GBF1: variants seen among roughly 807,000 people sequenced by gnomAD.
GBF1 encodes golgi brefeldin A resistant guanine nucleotide exchange factor 1.
GBF1 carries 114 observed loss-of-function variants against 210.5 expected under a neutral mutation model. The ratio of observed to expected loss-of-function variants is 0.54; its 90% CI spans 0.47 to 0.63. The LOEUF (loss-of-function observed/expected upper bound fraction) is 0.63. Ranked by LOEUF, GBF1 falls within the 30% of genes least tolerant of loss-of-function variation. The pLI is 0.00. For synonymous variants in GBF1, 850 were observed against 889.2 expected (o/e 0.96, Z 0.78); for missense variants, 1,851 against 2,357.7 (o/e 0.79, Z 4.45).
rs61470777 is a variant in GBF1 at position 102,322,718 on chromosome 10, C to CAAA, written c.164-21309_164-21307dup. On this transcript the variant is annotated intron_variant, in intron 3 of 39. Coordinates refer to ENST00000369983, the MANE Select transcript of GBF1 (RefSeq NM_001377137.1). ...GCAACATAGTGAGATCTCATCTCTA[C>CAAA]AAAAAAAAAAAAAAAAAAAAAAAAA... is the stretch of plus-strand genomic sequence containing the variant. 7.8e-4 allele frequency among the ~76,000 whole-genome samples: 63 copies of CAAA among 80,470 alleles called. 1 individual carries two copies. Among genetic ancestry groups the CAAA allele is most frequent in the African/African-American group, 2.5e-3 (49 of 19,690 alleles). The allele number at this position is 80,470 out of a possible 152,430, so 52.8% of individuals were successfully genotyped here.
Position 102,358,003 on chromosome 10 carries a change from T to C in GBF1, c.640-36T>C, listed in dbSNP as rs371884764. The C allele has an allele frequency of 4.1e-6, 6 of 1,454,026 alleles. No homozygotes were observed. The East Asian group carries it at 1.1e-4, about 27-fold the overall frequency. 90.1% of individuals were successfully genotyped at this position (1,454,026 alleles called of 1,614,324 possible). ...AGATTAATAGGGATAGAGTCTTAGT[T>C]TGAATACCATTGCTAATGGGGTATG... On this transcript the variant is annotated intron_variant, in intron 8 of 39. Coordinates refer to ENST00000369983, the MANE Select transcript of GBF1 (RefSeq NM_001377137.1).
intron 3 of GBF1, among the ~76,000 whole-genome samples, chr10:102,321,202 G>A (rs1442648639): frequency 6.6e-6 from 1 of 152,180 alleles, no homozygotes; most frequent in Non-Finnish European, 1.5e-5. Flanking sequence ...TTAGTTAATT[G>A]TGTGATCCCT....
intron 3 of GBF1, among the ~76,000 whole-genome samples, chr10:102,325,367 T>C (rs1177581888): frequency 6.6e-6 from 1 of 151,958 alleles, no homozygotes; most frequent in African/African-American, 2.4e-5. Flanking sequence ...TGGCCAACAA[T>C]GGTGAAACCC....
At chr10:102,320,816 C>T (rs867999776) in intron 3 of GBF1, among the ~76,000 whole-genome samples, 6 of 150,692 alleles carry the variant, frequency 4.0e-5, no homozygotes, top group Middle Eastern at 6.8e-3. Flanking sequence ...TAAATGGAGT[C>T]TGACTCTGTC....
At chr10:102,323,701 T>C (rs2056644648) in intron 3 of GBF1, among the ~76,000 whole-genome samples, 3 of 152,126 alleles carry the variant, frequency 2.0e-5, no homozygotes, top group Admixed American at 2.0e-4. Flanking sequence ...CCACCATGCC[T>C]GGCCATAAGC....
intron 3 of GBF1, among the ~76,000 whole-genome samples, chr10:102,322,234 A>G (rs1223662530): frequency 6.6e-6 from 1 of 152,244 alleles, no homozygotes; most frequent in Non-Finnish European, 1.5e-5. Flanking sequence ...GTACAGAGTC[A>G]CTTATTCAAG....
At chr10:102,231,012 G>A in the GBF1 span, 1 of 1,597,610 alleles carries the variant, frequency 6.3e-7, no homozygotes, top group Non-Finnish European at 8.5e-7. Context: ...CCAGCCCCCC[G>A]AGCGGCGCCG....
intron 3 of GBF1, among the ~76,000 whole-genome samples, chr10:102,297,388 A>G (rs2076995237): frequency 6.6e-6 from 1 of 152,214 alleles, no homozygotes; most frequent in Non-Finnish European, 1.5e-5. Flanking sequence ...ATAAGGATTC[A>G]GGCAGTTTTG....
At chr10:102,353,715 C>G in intron 8 of GBF1, 61 bp downstream of exon 8, 1 of 1,215,478 alleles carries the variant, frequency 8.2e-7, no homozygotes, top group African/African-American at 1.5e-5. Context: ...AACTTCAGTG[C>G]CTTGGGGTAA....
chr10:102,288,946 C>G (rs770121820), intron 3 of GBF1, among the ~76,000 whole-genome samples: 4 of 151,654 alleles, frequency 2.6e-5, no homozygotes, highest in Non-Finnish European at 5.9e-5. Flanking sequence ...ACTGAAAATA[C>G]AAAAAAATTA....
Position 102,358,740 on chromosome 10 carries a change from G to A in GBF1, c.1011+11G>A. Reference sequence around the variant, plus strand: ...CAGCCTGACCTCCAGGTATGGCTTTGATTTTTAATGTCCCTCTTCAGTATT... The same window carrying A: ...CAGCCTGACCTCCAGGTATGGCTTTAATTTTTAATGTCCCTCTTCAGTATT... On this transcript the variant is annotated intron_variant, in intron 10 of 39. Coordinates refer to ENST00000369983, the MANE Select transcript of GBF1 (RefSeq NM_001377137.1). The A allele has an allele frequency of 6.6e-7, 1 of 1,521,752 alleles. No individual in the cohort carries two copies. The allele number at this position is 1,521,752 out of a possible 1,614,324, so 94.3% of individuals were successfully genotyped here.
upstream of GBF1, among the ~76,000 whole-genome samples, chr10:102,243,867 C>A (rs961001904): frequency 1.3e-5 from 2 of 152,122 alleles, no homozygotes; most frequent in African/African-American, 2.4e-5. Context: ...TGGTGGCTCA[C>A]ACCTGTAATC....
the GBF1 span, among the ~76,000 whole-genome samples, chr10:102,239,524 G>A: frequency 1.3e-5 from 2 of 152,150 alleles, no homozygotes; most frequent in Non-Finnish European, 2.9e-5. Context: ...ATCAAAATAG[G>A]GCAAATGAAA....
rs1170097532 is a variant in GBF1, at chr10:102,330,598, A to G, written c.164-13453A>G. On this transcript the variant is annotated intron_variant, in intron 3 of 39. Transcript: ENST00000369983. Reference sequence around the variant, plus strand: ...ACACTCAGGAGGCTGAGGCAGGAGAATCGCTTGAACTCTGGAGGTGGAGGT... The same window carrying G: ...ACACTCAGGAGGCTGAGGCAGGAGAGTCGCTTGAACTCTGGAGGTGGAGGT... 2.0e-5 allele frequency among the ~76,000 whole-genome samples: 3 copies of G among 152,176 alleles called. No individual in the cohort carries two copies. The East Asian group carries it at 5.8e-4, about 30-fold the overall frequency.
chr10:102,244,377 G>A (rs923318557), upstream of GBF1, among the ~76,000 whole-genome samples: 2 of 152,152 alleles, frequency 1.3e-5, no homozygotes, highest in African/African-American at 4.8e-5. Flanking sequence ...GTCCCAAATA[G>A]GCTGGGAATT....
chr10:102,294,829 A>T (rs1317194982), intron 3 of GBF1, among the ~76,000 whole-genome samples: 1 of 152,360 alleles, frequency 6.6e-6, no homozygotes, highest in South Asian at 2.1e-4. Context: ...AGGCTGTACC[A>T]TATAGCCTAG....
chr10:102,328,748 G>A (rs2057103130), intron 3 of GBF1, among the ~76,000 whole-genome samples: 1 of 152,138 alleles, frequency 6.6e-6, no homozygotes, highest in Admixed American at 6.6e-5. Flanking sequence ...TTCATCATCT[G>A]TAAACTTTGC....
Position 102,369,696 on chromosome 10 carries a change from GACTT to G in GBF1, c.3151-10_3151-7del, listed in dbSNP as rs1565173870. On this transcript the variant is annotated splice_polypyrimidine_tract_variant and intron_variant, in intron 24 of 39. Transcript: ENST00000369983. ...AGGACACATGGAAAGAAATTATTTT[GACTT>G]ACTTTTCCAGGTAGAAGATTTCGTG... 5 of 1,611,694 alleles carry G rather than the reference GACTT, an allele frequency of 3.1e-6. No homozygotes were observed. Among genetic ancestry groups the G allele is most frequent in the Non-Finnish European group, 3.4e-6 (4 of 1,177,786 alleles).
chr10:102,311,607 CCT>C (rs922151234), intron 3 of GBF1, among the ~76,000 whole-genome samples: 2 of 152,182 alleles, frequency 1.3e-5, no homozygotes, highest in Non-Finnish European at 2.9e-5. Flanking sequence ...GATGAGAAAA[CCT>C]CTGTCATTTG....
Sources: gnomAD v4.1 joint callset for allele counts (sites outside exome capture counted in the v4.1 genomes callset) on GRCh38, gnomAD v4.1.1 for gene constraint, MANE v1.5 for transcripts, NCBI Gene and HGNC (gene_info 2026-07-23, HGNC 2026-07-21) for gene names.